Variants in CEP112 observed in about 807,000 individuals in gnomAD.
CEP112 encodes centrosomal protein 112.
A neutral mutation model predicts 153.0 loss-of-function variants in CEP112; 127 were observed. The ratio of observed to expected loss-of-function variants is 0.83; its 90% CI spans 0.72 to 0.96. The LOEUF is 0.96. Ranked by LOEUF, CEP112 falls within the 40% of genes least tolerant of loss-of-function variation. CEP112 has a pLI of 0.00. For synonymous variants in CEP112, 358 were observed against 374.4 expected (o/e 0.96, Z 0.51); for missense variants, 1,089 against 1,101.2 (o/e 0.99, Z 0.16).
chr17:65,882,217 CCTT>C (rs1213218866), intron 20 of CEP112, among the ~76,000 whole-genome samples: 1 of 152,198 alleles, frequency 6.6e-6, no homozygotes, highest in Non-Finnish European at 1.5e-5. Flanking sequence ...GCCTACATCT[CCTT>C]CTTCACGGTT....
At position 65,751,952 on chromosome 17, in the gene CEP112, T is replaced by TTCTATCTA. The variant is rs60646634; in HGVS notation, c.2395-1236_2395-1229dup. On this transcript the variant is annotated intron_variant, in intron 21 of 26. Transcript: ENST00000535342. ...TGCGTCATGCCTTGCAATACAGTCC[T>TTCTATCTA]TCTATCTATCTATCTATCTATCTAT... Among the ~76,000 whole-genome samples, 123 of 145,928 alleles carry TTCTATCTA rather than the reference T, an allele frequency of 8.4e-4. 1 individual carries two copies. Among genetic ancestry groups the TTCTATCTA allele is most frequent in the South Asian group, 2.5e-3 (11 of 4,386 alleles).
At chr17:65,996,618 T>C (rs530417459) in intron 17 of CEP112, among the ~76,000 whole-genome samples, 1 of 152,306 alleles carries the variant, frequency 6.6e-6, no homozygotes, top group South Asian at 2.1e-4. Flanking sequence ...GTCTCTTACA[T>C]GGACTATTAT....
intron 17 of CEP112, among the ~76,000 whole-genome samples, chr17:65,998,382 CAAAAAAAAAA>C (rs34117654): frequency 1.4e-5 from 1 of 70,028 alleles, no homozygotes; most frequent in Non-Finnish European, 2.4e-5. Context: ...GGCCTCGTCT[CAAAAAAAAAA>C]AAAAAAAAAA....
At chr17:65,732,745 C>G (rs2050582310) in intron 23 of CEP112, among the ~76,000 whole-genome samples, 1 of 152,200 alleles carries the variant, frequency 6.6e-6, no homozygotes, top group South Asian at 2.1e-4. Flanking sequence ...CCTCTGCTAG[C>G]TTCAGACTTT....
chr17:65,700,975 G>A (rs1177726901), intron 23 of CEP112, among the ~76,000 whole-genome samples: 5 of 152,078 alleles, frequency 3.3e-5, no homozygotes, highest in African/African-American at 9.7e-5. Flanking sequence ...TTAAATTTTC[G>A]GTCAATGAGA....
intron 21 of CEP112, among the ~76,000 whole-genome samples, chr17:65,755,444 T>G (rs1191324364): frequency 6.6e-6 from 1 of 152,158 alleles, no homozygotes; most frequent in East Asian, 1.9e-4. Context: ...GATTACAATT[T>G]GACCTGAGAT....
chr17:65,955,014 C>T (rs1200191970), intron 18 of CEP112, among the ~76,000 whole-genome samples: 2 of 152,152 alleles, frequency 1.3e-5, no homozygotes, highest in East Asian at 3.9e-4. Flanking sequence ...GCACAAAGAA[C>T]ACATGGGAAA....
chr17:65,671,319 T>G (rs1372642894), intron 24 of CEP112, among the ~76,000 whole-genome samples: 4 of 152,162 alleles, frequency 2.6e-5, no homozygotes, highest in Non-Finnish European at 5.9e-5. Flanking sequence ...AGTACCCCCA[T>G]GTACAGGGAA....
chr17:66,187,705 C>CA, intron 1 of CEP112, among the ~76,000 whole-genome samples: 3 of 152,322 alleles, frequency 2.0e-5, no homozygotes, highest in Middle Eastern at 6.8e-3. Flanking sequence ...ACCATCGCTT[C>CA]AAGTATTCGT....
chr17:66,179,010 G>T (rs953699325), intron 2 of CEP112, among the ~76,000 whole-genome samples: 1 of 152,050 alleles, frequency 6.6e-6, no homozygotes, highest in Non-Finnish European at 1.5e-5. Flanking sequence ...GTAAATGTAC[G>T]GATTTGTATC....
intron 4 of CEP112, 84 bp from the exon 5 acceptor site, chr17:66,132,847 C>T (rs1156497244): frequency 1.1e-6 from 1 of 923,538 alleles, no homozygotes; most frequent in Non-Finnish European, 1.8e-6. Context: ...CATTTCTTTC[C>T]CTTGGAACTG....
Position 65,723,068 on chromosome 17 carries a change from C to T in CEP112, c.2607+20000G>A, listed in dbSNP as rs145365473. 6.5e-4 allele frequency among the ~76,000 whole-genome samples: 99 copies of T among 152,240 alleles called. 1 individual carries two copies. The highest frequency in any genetic ancestry group is 5.4e-3 in the East Asian group (28 of 5,190). ...TAACCAAACACCATACAGTGTGTTCCGAAGAATACATGTGCTTCAGATGTA... is the reference window on the plus strand; with the variant it reads ...TAACCAAACACCATACAGTGTGTTCTGAAGAATACATGTGCTTCAGATGTA... On this transcript the variant is annotated intron_variant, in intron 23 of 26. Coordinates refer to ENST00000535342, the MANE Select transcript of CEP112 (RefSeq NM_001199165.4).
At chr17:66,184,396 T>TATCAAG (rs1258672049) in intron 1 of CEP112, among the ~76,000 whole-genome samples, 1 of 152,168 alleles carries the variant, frequency 6.6e-6, no homozygotes, top group Non-Finnish European at 1.5e-5. Flanking sequence ...ACGAGACTTG[T>TATCAAG]ATCAAGAATA....
At chr17:66,156,539 A>G (rs1279628345) in intron 4 of CEP112, among the ~76,000 whole-genome samples, 4 of 152,172 alleles carry the variant, frequency 2.6e-5, no homozygotes, top group Non-Finnish European at 1.5e-5. Context: ...GAGTTTGACG[A>G]ATTTACAGAA....
intron 23 of CEP112, among the ~76,000 whole-genome samples, chr17:65,732,417 C>A (rs1459146250): frequency 6.6e-6 from 1 of 152,222 alleles, no homozygotes; most frequent in Non-Finnish European, 1.5e-5. Flanking sequence ...GATTTAGCAT[C>A]ATTCTTTAGC....
intron 18 of CEP112, among the ~76,000 whole-genome samples, chr17:65,948,448 A>G (rs1169812811): frequency 3.3e-5 from 5 of 152,180 alleles, no homozygotes; most frequent in Non-Finnish European, 7.4e-5. Flanking sequence ...GGTATACAAG[A>G]TTTAAAAGAT....
At chr17:65,915,426 C>T (rs912186480) in intron 19 of CEP112, among the ~76,000 whole-genome samples, 1 of 151,974 alleles carries the variant, frequency 6.6e-6, no homozygotes, top group Admixed American at 6.6e-5. Context: ...CTAACTAGGT[C>T]CCCTGCATCC....
At chr17:65,901,624 A>G (rs1206026411) in intron 20 of CEP112, among the ~76,000 whole-genome samples, 6 of 152,160 alleles carry the variant, frequency 3.9e-5, no homozygotes, top group African/African-American at 1.4e-4. Flanking sequence ...TGCAGGAAAA[A>G]GCAACAGACC....
chr17:65,857,802 A>G (rs2058175315), intron 20 of CEP112, among the ~76,000 whole-genome samples: 1 of 152,166 alleles, frequency 6.6e-6, no homozygotes, highest in Non-Finnish European at 1.5e-5. Flanking sequence ...ATCCTCTGAA[A>G]GAATCAGTAT....
Sources: gnomAD v4.1 joint callset for allele counts (sites outside exome capture counted in the v4.1 genomes callset) on GRCh38, gnomAD v4.1.1 for gene constraint, MANE v1.5 for transcripts, NCBI Gene and HGNC (gene_info 2026-07-23, HGNC 2026-07-21) for gene names.